Variants in CNKSR2 observed in about 807,000 individuals in gnomAD.
CNKSR2 encodes connector enhancer of kinase suppressor of Ras 2, also known as CNK homolog protein 2.
CNKSR2 carries 14 observed loss-of-function variants against 84.4 expected under a neutral mutation model. That is an observed-to-expected ratio of 0.17 (90% confidence interval 0.11 to 0.26). The LOEUF is 0.26. Among genes scored for constraint, CNKSR2 ranks in the 10% least tolerant of loss-of-function variants. The pLI is 1.00. For synonymous variants in CNKSR2, 275 were observed against 277.9 expected, an observed-to-expected ratio of 0.99 and a Z score of 0.10; for missense variants, 485 against 771.2, an observed-to-expected ratio of 0.63 and a Z score of 4.40.
At chrX:21,489,125 C>A (rs1041638830) in intron 5 of CNKSR2, among the ~76,000 whole-genome samples, 5 of 111,619 alleles carry the variant, frequency 4.5e-5, no homozygotes, top group African/African-American at 1.6e-4. Context: ...TCGAGTTGTC[C>A]TGCCTTACAG....
Position 21,591,205 on chromosome X carries a change from G to A in CNKSR2, c.1830+11G>A. Reference sequence around the variant, plus strand: ...TATATTAATGAGGAGGTAAGATAAAGCACCTTTTGTTTTCTCATCCATTCT... The same window carrying A: ...TATATTAATGAGGAGGTAAGATAAAACACCTTTTGTTTTCTCATCCATTCT... On this transcript the variant is annotated intron_variant, in intron 15 of 21. Transcript: ENST00000379510. 1 of 1,139,324 alleles carries A rather than the reference G, an allele frequency of 8.8e-7. No homozygotes were observed. Among genetic ancestry groups the A allele is most frequent in the Non-Finnish European group, 1.2e-6 (1 of 848,405 alleles). 93.9% of individuals were successfully genotyped at this position (1,139,324 alleles called of 1,213,427 possible).
At chrX:21,450,479 C>G (rs1007975145) in intron 4 of CNKSR2, among the ~76,000 whole-genome samples, 2 of 111,330 alleles carry the variant, frequency 1.8e-5, no homozygotes, top group Non-Finnish European at 3.8e-5. Context: ...AAAATGCAAT[C>G]TAAATAGATA....
At chrX:21,645,763 T>C (rs958055392) in intron 20 of CNKSR2, 4 of 111,090 alleles carry the variant, frequency 3.6e-5, no homozygotes, top group Non-Finnish European at 5.7e-5. Flanking sequence ...GAGAAGGAGA[T>C]GAAGAAGAGG....
At chrX:21,395,553 A>G (rs1601731587) in intron 1 of CNKSR2, among the ~76,000 whole-genome samples, 1 of 110,855 alleles carries the variant, frequency 9.0e-6, no homozygotes, top group African/African-American at 3.3e-5. Context: ...TGCCTTGAAA[A>G]AAAAAAGAGA....
intron 13 of CNKSR2, among the ~76,000 whole-genome samples, chrX:21,581,657 A>G (rs113655209): frequency 0.018 from 1,971 of 111,769 alleles, 40 homozygotes; most frequent in African/African-American, 0.059. Flanking sequence ...GCGCTGACAG[A>G]TTGCATATGA....
chrX:21,563,215 T>C (rs779094639), intron 12 of CNKSR2, 23 bp from the exon 13 acceptor site: 1 of 1,094,944 alleles, frequency 9.1e-7, no homozygotes, highest in Admixed American at 2.4e-5. Flanking sequence ...TTTATATTGG[T>C]GTATTTATCT....
chrX:21,533,191 C>G (rs1489046169), intron 11 of CNKSR2, among the ~76,000 whole-genome samples: 3 of 110,755 alleles, frequency 2.7e-5, no homozygotes, highest in Non-Finnish European at 5.7e-5. Context: ...CTACACTACT[C>G]TAGTGGCAAT....
At chrX:21,558,363 A>G (rs949606766) in intron 11 of CNKSR2, among the ~76,000 whole-genome samples, 1 of 111,495 alleles carries the variant, frequency 9.0e-6, no homozygotes, top group African/African-American at 3.2e-5. Context: ...ACCTAAATCA[A>G]TAATATACTT....
chrX:21,415,667 A>G (rs954308759), intron 1 of CNKSR2, among the ~76,000 whole-genome samples: 1 of 100,610 alleles, frequency 9.9e-6, no homozygotes, highest in African/African-American at 3.6e-5. Context: ...GGATAGCATT[A>G]GGAGATATAC....
chrX:21,450,726 C>T (rs184839180), intron 4 of CNKSR2, among the ~76,000 whole-genome samples: 1,317 of 111,510 alleles, frequency 0.012, 8 homozygotes, highest in Middle Eastern at 0.019. Flanking sequence ...AGTTTCCTTT[C>T]CTTGGGATAT....
chrX:21,486,561 A>G (rs1378354606), intron 5 of CNKSR2, among the ~76,000 whole-genome samples: 1 of 111,913 alleles, frequency 8.9e-6, no homozygotes, highest in Non-Finnish European at 1.9e-5. Context: ...TAAACTCGCT[A>G]TAATACCTAC....
At chrX:21,457,697 G>A (rs7057819) in intron 4 of CNKSR2, among the ~76,000 whole-genome samples, 283 of 111,506 alleles carry the variant, frequency 2.5e-3, no homozygotes, top group African/African-American at 8.7e-3. Context: ...CTACAGTTGT[G>A]GGTATGGAGA....
intron 6 of CNKSR2, 143 bp from the exon 7 acceptor site, chrX:21,497,644 T>C: frequency 2.2e-6 from 1 of 451,454 alleles, no homozygotes; most frequent in Non-Finnish European, 3.9e-6. Context: ...AGTTTAAAGA[T>C]AGCGTCTGTC....
intron 11 of CNKSR2, chrX:21,537,864 G>A (rs1486094713): frequency 9.3e-6 from 1 of 107,961 alleles, no homozygotes; most frequent in African/African-American, 3.4e-5. Context: ...TTACATTCAG[G>A]GTTGTTACTG....
intron 19 of CNKSR2, among the ~76,000 whole-genome samples, chrX:21,608,404 T>C (rs1328683150): frequency 8.9e-6 from 1 of 112,065 alleles, no homozygotes; most frequent in Admixed American, 9.5e-5. Context: ...CTATAACATA[T>C]AGTCCCAAGC....
intron 11 of CNKSR2, among the ~76,000 whole-genome samples, chrX:21,560,725 T>C (rs1020680882): frequency 9.0e-6 from 1 of 111,466 alleles, no homozygotes; most frequent in African/African-American, 3.3e-5. Context: ...ACAGAAATAA[T>C]ATACTGCAGC....
chrX:21,481,591 G>C (rs903628464), intron 5 of CNKSR2, among the ~76,000 whole-genome samples: 2 of 110,834 alleles, frequency 1.8e-5, no homozygotes, highest in African/African-American at 6.6e-5. Context: ...AAAGGTGAAG[G>C]AATTTCAAGG....
At chrX:21,534,515 A>G (rs1189876369) in intron 11 of CNKSR2, among the ~76,000 whole-genome samples, 1 of 110,274 alleles carries the variant, frequency 9.1e-6, no homozygotes, top group Non-Finnish European at 1.9e-5. Context: ...TCTCCATACT[A>G]ATTACTATAA....
At chrX:21,527,059 A>G in intron 10 of CNKSR2, 59 bp downstream of exon 10, 2 of 1,029,682 alleles carry the variant, frequency 1.9e-6, no homozygotes, top group Non-Finnish European at 2.7e-6. Context: ...CTAACAGCAT[A>G]TAAACTGCAA....
Sources: gnomAD v4.1 joint callset for allele counts (sites outside exome capture counted in the v4.1 genomes callset) on GRCh38, gnomAD v4.1.1 for gene constraint, MANE v1.5 for transcripts, NCBI Gene and HGNC (gene_info 2026-07-23, HGNC 2026-07-21) for gene names.